The following ROBO2 variants were observed in gnomAD, a reference collection of about 807,000 sequenced individuals.
ROBO2 encodes roundabout homolog 2.
A neutral mutation model predicts 160.8 loss-of-function variants in ROBO2; 53 were observed. The ratio of observed to expected loss-of-function variants is 0.33; its 90% CI spans 0.26 to 0.41. The LOEUF (loss-of-function observed/expected upper bound fraction) is 0.41. ROBO2 is among the 10% of genes least tolerant of loss of function. The pLI is 1.00. For missense variants in ROBO2, 1,577 were observed against 1,722.4 expected (o/e 0.92, Z 1.49); for synonymous variants, 664 against 611.7 (o/e 1.09, Z -1.26).
intron 2 of ROBO2, among the ~76,000 whole-genome samples, chr3:77,373,428 A>G (rs962295202): frequency 3.3e-5 from 5 of 151,974 alleles, no homozygotes; most frequent in African/African-American, 1.2e-4. Flanking sequence ...GTAAATGTAT[A>G]TCTGTCTGTC....
intron 2 of ROBO2, among the ~76,000 whole-genome samples, chr3:76,409,954 A>G (rs1283994102): frequency 6.6e-6 from 1 of 152,132 alleles, no homozygotes; most frequent in African/African-American, 2.4e-5. Flanking sequence ...TCCATTTTAT[A>G]ATTGCTCATT....
intron 2 of ROBO2, among the ~76,000 whole-genome samples, chr3:76,806,574 T>C (rs991718872): frequency 6.6e-6 from 1 of 151,988 alleles, no homozygotes; most frequent in African/African-American, 2.4e-5. Context: ...AGCAACTGCA[T>C]CTTCTGAAAT....
upstream of ROBO2, among the ~76,000 whole-genome samples, chr3:77,037,916 A>G (rs569264001): frequency 2.6e-5 from 4 of 152,202 alleles, no homozygotes; most frequent in Non-Finnish European, 5.9e-5. Flanking sequence ...ATATCTTAAA[A>G]ATTTCACCCG....
chr3:76,362,239 G>T (rs974041300), intron 2 of ROBO2, among the ~76,000 whole-genome samples: 8 of 151,870 alleles, frequency 5.3e-5, no homozygotes, highest in African/African-American at 1.9e-4. Context: ...TGAGGCTCCT[G>T]CGTAGTCCCA....
At chr3:76,950,605 A>G (rs2078897617) in intron 2 of ROBO2, among the ~76,000 whole-genome samples, 1 of 152,180 alleles carries the variant, frequency 6.6e-6, no homozygotes, top group Non-Finnish European at 1.5e-5. Flanking sequence ...TCCTGTACTC[A>G]TTGTGGCACT....
chr3:76,950,498 T>C (rs555487125), intron 2 of ROBO2, among the ~76,000 whole-genome samples: 1 of 152,288 alleles, frequency 6.6e-6, no homozygotes, highest in Non-Finnish European at 1.5e-5. Context: ...AATTATATAT[T>C]TTATAAAATA....
At chr3:76,427,315 G>T (rs1167891450) in intron 2 of ROBO2, among the ~76,000 whole-genome samples, 1 of 152,020 alleles carries the variant, frequency 6.6e-6, no homozygotes, top group Non-Finnish European at 1.5e-5. Context: ...CATAGGAAGT[G>T]GGGGAAGGAG....
chr3:76,610,668 C>T (rs2088032077), intron 2 of ROBO2, among the ~76,000 whole-genome samples: 1 of 11,434 alleles, frequency 8.7e-5, no homozygotes, highest in Non-Finnish European at 2.0e-4. Context: ...CTTTCATTCT[C>T]ACTGCGCGTC....
chr3:76,742,218 A>G (rs1293127944), intron 2 of ROBO2, among the ~76,000 whole-genome samples: 1 of 152,136 alleles, frequency 6.6e-6, no homozygotes, highest in Non-Finnish European at 1.5e-5. Context: ...TATTTTACCT[A>G]AAGAAGACAT....
rs1316331497 is a variant in ROBO2, at chr3:77,574,483, T to A, written c.1972-16T>A. 1.9e-6 allele frequency: 3 copies of A among 1,605,958 alleles called. No individual in the cohort carries two copies. In the Admixed American group the frequency reaches 5.0e-5, roughly 27 times the overall value. On this transcript the variant is annotated splice_polypyrimidine_tract_variant and intron_variant, in intron 13 of 25. Coordinates refer to ENST00000461745, the Ensembl canonical transcript of ROBO2. ...ACTTTCCTTTAGTTTCAAATGCCCT[T>A]AACTATGTTTTTCAGGTTGATCGCC...
intron 2 of ROBO2, among the ~76,000 whole-genome samples, chr3:77,363,258 G>T (rs989053974): frequency 5.3e-5 from 8 of 152,120 alleles, no homozygotes; most frequent in Non-Finnish European, 7.4e-5. Context: ...AGTAAGATTT[G>T]CATTTGAAAA....
At chr3:76,521,029 G>T (rs188201252) in intron 2 of ROBO2, among the ~76,000 whole-genome samples, 1 of 146,020 alleles carries the variant, frequency 6.8e-6, no homozygotes, top group Admixed American at 6.8e-5. Flanking sequence ...AAAAACAGTT[G>T]CAACAAAAAT....
intron 2 of ROBO2, among the ~76,000 whole-genome samples, chr3:77,245,349 G>A (rs560444181): frequency 6.6e-5 from 10 of 152,244 alleles, no homozygotes; most frequent in Middle Eastern, 6.8e-3. Context: ...CCTTGTGCTG[G>A]TTAACGGGTA....
At chr3:76,036,877 G>A (rs924208057) in intron 2 of ROBO2, among the ~76,000 whole-genome samples, 7 of 151,926 alleles carry the variant, frequency 4.6e-5, no homozygotes, top group South Asian at 2.1e-4. Context: ...TATTCACCTC[G>A]AAAATTAAGA....
chr3:76,645,766 AAG>A (rs988416802), intron 2 of ROBO2, among the ~76,000 whole-genome samples: 31 of 152,202 alleles, frequency 2.0e-4, no homozygotes, highest in Admixed American at 1.5e-3. Flanking sequence ...TAGATAAGGA[AAG>A]AGAGAAATTC....
intron 2 of ROBO2, among the ~76,000 whole-genome samples, chr3:76,014,045 A>G (rs1197369793): frequency 2.2e-5 from 3 of 139,446 alleles, no homozygotes; most frequent in African/African-American, 8.1e-5. Flanking sequence ...TATAAAGGCA[A>G]TTGGTGGCTG....
At chr3:75,984,767 G>C (rs2065369416) in intron 2 of ROBO2, among the ~76,000 whole-genome samples, 1 of 151,388 alleles carries the variant, frequency 6.6e-6, no homozygotes, top group African/African-American at 2.4e-5. Flanking sequence ...TAGAAGACCT[G>C]AAAATCCAAC....
intron 2 of ROBO2, among the ~76,000 whole-genome samples, chr3:77,464,719 C>G (rs148859921): frequency 6.6e-6 from 1 of 152,036 alleles, no homozygotes; most frequent in African/African-American, 2.4e-5. Context: ...GAATGCATTT[C>G]CTCCTTTGCT....
intron 2 of ROBO2, among the ~76,000 whole-genome samples, chr3:76,910,484 TTGGGAGGCCAAGG>T (rs1032260577): frequency 6.6e-6 from 1 of 151,946 alleles, no homozygotes; most frequent in African/African-American, 2.4e-5. Context: ...TCCCAGCACT[TTGGGAGGCCAAGG>T]TGGGCGGATC....
Sources: gnomAD v4.1 joint callset for allele counts (sites outside exome capture counted in the v4.1 genomes callset) on GRCh38, gnomAD v4.1.1 for gene constraint, MANE v1.5 for transcripts, NCBI Gene and HGNC (gene_info 2026-07-23, HGNC 2026-07-21) for gene names.